ST3GAL3: variants seen among roughly 807,000 people sequenced by gnomAD.
ST3GAL3 encodes the protein CMP-N-acetylneuraminate-beta-1,4-galactoside alpha-2,3-sialyltransferase.
In ST3GAL3, 21 loss-of-function variants were observed where a neutral mutation model predicts 50.1. The ratio of observed to expected loss-of-function variants is 0.42; its 90% CI spans 0.30 to 0.60. The LOEUF (loss-of-function observed/expected upper bound fraction) is 0.60, where lower values mean the gene tolerates loss of function less well. ST3GAL3 is among the 20% of genes least tolerant of loss of function. ST3GAL3 has a pLI of 0.19. For missense variants in ST3GAL3, 353 were observed against 489.4 expected, an observed-to-expected ratio of 0.72 and a Z score of 2.63; for synonymous variants, 183 against 190.0, an observed-to-expected ratio of 0.96 and a Z score of 0.30.
intron 9 of ST3GAL3, among the ~76,000 whole-genome samples, chr1:43,906,564 A>C (rs1438772352): frequency 4.1e-3 from 190 of 45,956 alleles, no homozygotes; most frequent in Admixed American, 6.3e-3. Flanking sequence ...TCTTCCCGCC[A>C]CTCTTCCTCC....
At chr1:43,914,004 G>A (rs541559346) in intron 9 of ST3GAL3, 2 of 152,132 alleles carry the variant, frequency 1.3e-5, no homozygotes, top group South Asian at 2.1e-4. Context: ...ACCAGTAATC[G>A]TGACACACTC....
At chr1:43,920,353 C>G (rs775533381) in intron 9 of ST3GAL3, 51 bp from the exon 10 acceptor site, 2 of 1,613,378 alleles carry the variant, frequency 1.2e-6, no homozygotes, top group South Asian at 2.2e-5. Flanking sequence ...CTCCCCTAGG[C>G]TCATCCCTTG....
chr1:43,760,464 G>A (rs899307308), intron 2 of ST3GAL3, among the ~76,000 whole-genome samples: 5 of 152,304 alleles, frequency 3.3e-5, no homozygotes, highest in Non-Finnish European at 7.4e-5. Flanking sequence ...ATGGATAAAA[G>A]ATCTATTCAG....
chr1:43,726,383 C>A (rs1423531887), intron 1 of ST3GAL3, among the ~76,000 whole-genome samples: 1 of 151,598 alleles, frequency 6.6e-6, no homozygotes, highest in Admixed American at 6.6e-5. Context: ...AACTCCTGGG[C>A]TCAAGTAATC....
intron 5 of ST3GAL3, among the ~76,000 whole-genome samples, chr1:43,886,082 A>G (rs533346008): frequency 1.3e-5 from 2 of 152,384 alleles, no homozygotes; most frequent in African/African-American, 4.8e-5. Flanking sequence ...TCTCAACACA[A>G]AGAAATGATA....
intron 5 of ST3GAL3, among the ~76,000 whole-genome samples, chr1:43,877,111 T>A (rs1297378673): frequency 6.6e-6 from 1 of 152,178 alleles, no homozygotes; most frequent in Non-Finnish European, 1.5e-5. Flanking sequence ...GATCAGGTGT[T>A]CAGAGAGAGA....
chr1:43,766,404 C>T lies in ST3GAL3; in HGVS notation c.119-25698C>T, dbSNP rs372567310. Among the ~76,000 whole-genome samples the T allele has an allele frequency of 3.0e-4, 45 of 151,162 alleles. 4 individuals are homozygous for T. Among genetic ancestry groups the T allele is most frequent in the East Asian group, 2.1e-3 (11 of 5,148 alleles). On this transcript the variant is annotated intron_variant, in intron 2 of 11. Transcript: ENST00000347631. The stretch of plus-strand genomic sequence containing the variant: ...TGTTTCAGAGACAACAAAGAAGTGG[C>T]GATTTAAAAAAAAATAAGTAAATAA...
chr1:43,878,876 A>G (rs1323584351), intron 5 of ST3GAL3, among the ~76,000 whole-genome samples: 1 of 152,198 alleles, frequency 6.6e-6, no homozygotes, highest in African/African-American at 2.4e-5. Flanking sequence ...TGCTAGGCAC[A>G]ATTCTAAGTA....
intron 5 of ST3GAL3, among the ~76,000 whole-genome samples, chr1:43,872,251 GTGTGGGGGGAAGGGGGGAGGGGC>G (rs1229879208): frequency 1.4e-4 from 2 of 14,256 alleles, no homozygotes; most frequent in African/African-American, 7.1e-4. Flanking sequence ...GGGAGGAGAG[GTGTGGGGGGAAGGGGGGAGGGGC>G]TGTGGGGGGG....
Position 43,779,729 on chromosome 1 carries a change from A to G in ST3GAL3, c.119-12373A>G, listed in dbSNP as rs565093060. Among the ~76,000 whole-genome samples, 8 of 152,360 alleles carry G rather than the reference A, an allele frequency of 5.3e-5. No homozygotes were observed. In the South Asian group the frequency reaches 6.2e-4, roughly 12 times the overall value. ...AATATTCAGTCTATATACTATGACC[A>G]TAGAAACACTATTCATAGATACCAT... On this transcript the variant is annotated intron_variant, in intron 2 of 11. Coordinates refer to ENST00000347631, the MANE Select transcript of ST3GAL3 (RefSeq NM_006279.5).
chr1:43,778,644 CTTTTTTTTTT>C (rs35726867), intron 2 of ST3GAL3, among the ~76,000 whole-genome samples: 1 of 118,704 alleles, frequency 8.4e-6, no homozygotes, highest in Non-Finnish European at 1.7e-5. Flanking sequence ...TTCTTTTTTT[CTTTTTTTTTT>C]TTTTTTTTTG....
chr1:43,734,431 G>A (rs11210910), intron 1 of ST3GAL3, among the ~76,000 whole-genome samples: 49,760 of 150,450 alleles, frequency 0.33, 9,419 homozygotes, highest in East Asian at 0.53. Flanking sequence ...CAGCTTCCTG[G>A]GTAGCTAGGA....
At chr1:43,924,095 AT>A (rs2083501319) in intron 11 of ST3GAL3, among the ~76,000 whole-genome samples, 1 of 152,124 alleles carries the variant, frequency 6.6e-6, no homozygotes, top group Non-Finnish European at 1.5e-5. Flanking sequence ...ACCTCAAGTG[AT>A]TGGGAGTTAT....
chr1:43,846,689 A>G (rs1462092873), intron 5 of ST3GAL3, among the ~76,000 whole-genome samples: 1 of 152,190 alleles, frequency 6.6e-6, no homozygotes, highest in African/African-American at 2.4e-5. Context: ...TGTAGAGACA[A>G]GACTTTGCCA....
intron 2 of ST3GAL3, among the ~76,000 whole-genome samples, chr1:43,777,981 C>T (rs138848975): frequency 7.2e-5 from 11 of 152,230 alleles, no homozygotes; most frequent in East Asian, 1.9e-4. Flanking sequence ...TGCACTCATA[C>T]GTTCACTGCA....
intron 2 of ST3GAL3, among the ~76,000 whole-genome samples, chr1:43,759,993 A>G (rs1056870864): frequency 1.3e-5 from 2 of 152,210 alleles, no homozygotes; most frequent in African/African-American, 2.4e-5. Flanking sequence ...CGCATAAAAC[A>G]CTACCACTGC....
intron 2 of ST3GAL3, among the ~76,000 whole-genome samples, chr1:43,766,274 G>A (rs963419158): frequency 6.6e-6 from 1 of 152,116 alleles, no homozygotes; most frequent in African/African-American, 2.4e-5. Context: ...CTTTATTCCA[G>A]GCAGTGTGGG....
chr1:43,918,584 T>G (rs1557548306), intron 9 of ST3GAL3, among the ~76,000 whole-genome samples: 1 of 152,108 alleles, frequency 6.6e-6, no homozygotes, highest in Non-Finnish European at 1.5e-5. Context: ...TCACTGATCT[T>G]GGTTTTGAAT....
rs755367262 is a variant in ST3GAL3, at chr1:43,761,853, G to A, written c.118+25473G>A. ...GTAGTCCCAGCTACTCGGGAGGCTG[G>A]GGCAGGAGAATAGCGTGAACCCAGG... On this transcript the variant is annotated intron_variant, in intron 2 of 11. Transcript: ENST00000347631. Among the ~76,000 whole-genome samples, 122 of 150,714 alleles carry A rather than the reference G, an allele frequency of 8.1e-4. 1 individual carries two copies. Among genetic ancestry groups the A allele is most frequent in the East Asian group, 7.8e-4 (4 of 5,124 alleles).
Sources: allele counts gnomAD v4.1 joint callset (sites outside exome capture counted in the v4.1 genomes callset), GRCh38; gene constraint gnomAD v4.1.1; transcripts MANE v1.5; gene names NCBI Gene and HGNC (gene_info 2026-07-23, HGNC 2026-07-21).